Variants in GUCY2F observed in about 807,000 individuals in gnomAD.
The protein encoded by GUCY2F is retinal guanylyl cyclase 2.
A neutral mutation model predicts 73.1 loss-of-function variants in GUCY2F; 61 were observed. The ratio of observed to expected loss-of-function variants is 0.83; its 90% CI spans 0.68 to 1.03. The LOEUF (loss-of-function observed/expected upper bound fraction) is 1.03. GUCY2F is among the 50% of genes least tolerant of loss of function. GUCY2F has a pLI of 0.00. For missense variants in GUCY2F, 912 were observed against 854.3 expected (o/e 1.07, Z -0.84); for synonymous variants, 331 against 307.8 (o/e 1.08, Z -0.79).
chrX:109,385,264 A>C lies in GUCY2F; in HGVS notation c.2975T>G (p.Val992Gly), dbSNP rs763993439. The change falls in exon 16 of 20, where the codon GTG becomes GGG. Residue 992 changes from valine to glycine, a missense_variant. Val to Gly is a moderately radical substitution (Grantham distance 109, BLOSUM62 -3). Transcript: ENST00000218006. ...GTATCTGGGCATGGTGAGGCCCACC[A>C]CTCCAGCAACAACCGGCCCTATAGA... Reference protein sequence around the residue: ...GLHSGPVVAGVVGLTMPRYCL... With the variant: ...GLHSGPVVAGGVGLTMPRYCL... 1 of 1,170,727 alleles carries C rather than the reference A, an allele frequency of 8.5e-7. No homozygotes were observed. The highest frequency in any genetic ancestry group is 1.2e-6 in the Non-Finnish European group (1 of 859,886).
chrX:109,480,044 C>T (rs1053462737), intron 1 of GUCY2F, among the ~76,000 whole-genome samples: 11 of 111,080 alleles, frequency 9.9e-5, no homozygotes, highest in East Asian at 8.5e-4. Context: ...ATAGTAGGTG[C>T]GCAAAAAATA....
At chrX:109,481,589 T>C (rs1932765397) in intron 1 of GUCY2F, among the ~76,000 whole-genome samples, 1 of 111,585 alleles carries the variant, frequency 9.0e-6, no homozygotes, top group Non-Finnish European at 1.9e-5. Context: ...TAACAGCTTG[T>C]ATAAGACAAC....
At chrX:109,386,601 T>G (rs1345216816) in intron 15 of GUCY2F, among the ~76,000 whole-genome samples, 1 of 111,770 alleles carries the variant, frequency 8.9e-6, no homozygotes, top group African/African-American at 3.3e-5. Flanking sequence ...CAGATCAGTG[T>G]ATAAAATGCA....
At position 109,475,322 on chromosome X, in the gene GUCY2F, G is replaced by T. The variant is rs201431183; in HGVS notation, c.615C>A (p.Val205=). ...AGCCGTGGCTCCGAAGAGCACTTGC[G>T]ACTCGATTGGCTGTATGCACCCAAA... ...EDIWVHTANR[V]ASALRSHGLP... The change falls in exon 2 of 20, where the codon GTC becomes GTA. Residue 205 remains valine, a synonymous_variant. Coordinates refer to ENST00000218006, the MANE Select transcript of GUCY2F (RefSeq NM_001522.3). The T allele has an allele frequency of 5.0e-6, 6 of 1,210,892 alleles. No individual in the cohort carries two copies. Among genetic ancestry groups the T allele is most frequent in the Non-Finnish European group, 6.7e-6 (6 of 894,931 alleles).
At chrX:109,400,959 T>A (rs1309007245) in intron 10 of GUCY2F, among the ~76,000 whole-genome samples, 1 of 111,942 alleles carries the variant, frequency 8.9e-6, no homozygotes, top group East Asian at 2.8e-4. Flanking sequence ...TTGGCATCCT[T>A]TCTCCCTGCA....
chrX:109,403,533 A>G (rs142756740), intron 10 of GUCY2F, among the ~76,000 whole-genome samples: 1 of 111,995 alleles, frequency 8.9e-6, no homozygotes, highest in Non-Finnish European at 1.9e-5. Context: ...TAGCTGATGA[A>G]AGAAACTGTC....
At chrX:109,401,872 T>C (rs1172264189) in intron 10 of GUCY2F, among the ~76,000 whole-genome samples, 3 of 110,132 alleles carry the variant, frequency 2.7e-5, no homozygotes, top group Non-Finnish European at 5.7e-5. Flanking sequence ...AAGACACAGC[T>C]TGTGTGGAGA....
chrX:109,393,419 G>A (rs779941331), intron 12 of GUCY2F, among the ~76,000 whole-genome samples: 4 of 110,996 alleles, frequency 3.6e-5, no homozygotes, highest in Non-Finnish European at 5.7e-5. Flanking sequence ...AATTTTGTGT[G>A]AGGTAAGGGG....
At chrX:109,425,898 A>T (rs1006289832) in intron 8 of GUCY2F, among the ~76,000 whole-genome samples, 25 of 111,623 alleles carry the variant, frequency 2.2e-4, no homozygotes, top group African/African-American at 7.8e-4. Flanking sequence ...GGATACTAAT[A>T]GTAAAAATCG....
At chrX:109,423,417 A>G (rs1931411904) in intron 8 of GUCY2F, among the ~76,000 whole-genome samples, 1 of 111,367 alleles carries the variant, frequency 9.0e-6, no homozygotes, top group African/African-American at 3.3e-5. Context: ...ACCTAAAAAT[A>G]CAGAATTGAA....
At chrX:109,451,804 A>C (rs1932140106) in intron 5 of GUCY2F, among the ~76,000 whole-genome samples, 1 of 111,415 alleles carries the variant, frequency 9.0e-6, no homozygotes, top group African/African-American at 3.3e-5. Context: ...ATTCACAGGC[A>C]ACAACACTGA....
intron 8 of GUCY2F, among the ~76,000 whole-genome samples, chrX:109,426,060 A>G (rs1216388545): frequency 1.2e-4 from 13 of 112,060 alleles, no homozygotes; most frequent in Admixed American, 1.1e-3. Flanking sequence ...TAGTGGAAAC[A>G]ATATACTTTG....
intron 8 of GUCY2F, 48 bp from the exon 9 acceptor site, chrX:109,409,216 T>C (rs1203942330): frequency 1.5e-6 from 1 of 671,465 alleles, no homozygotes; most frequent in Non-Finnish European, 2.4e-6. Context: ...CTGTCTCAAC[T>C]GGGGACCACA....
At chrX:109,474,221 T>C in intron 2 of GUCY2F, among the ~76,000 whole-genome samples, 1 of 112,222 alleles carries the variant, frequency 8.9e-6, no homozygotes, top group Non-Finnish European at 1.9e-5. Flanking sequence ...GGACCAGGAC[T>C]AATCCTTGAA....
At chrX:109,455,041 C>T (rs1932230182) in intron 3 of GUCY2F, among the ~76,000 whole-genome samples, 1 of 111,499 alleles carries the variant, frequency 9.0e-6, no homozygotes, top group Non-Finnish European at 1.9e-5. Context: ...CAAGACACTG[C>T]CATGTCTTGT....
At chrX:109,434,173 G>A (rs1201787876) in intron 7 of GUCY2F, among the ~76,000 whole-genome samples, 4 of 110,037 alleles carry the variant, frequency 3.6e-5, no homozygotes, top group African/African-American at 1.3e-4. Context: ...AATGAAGAGG[G>A]AAGATGAATT....
At chrX:109,471,029 T>C (rs924552344) in intron 2 of GUCY2F, among the ~76,000 whole-genome samples, 1 of 112,226 alleles carries the variant, frequency 8.9e-6, no homozygotes, top group Non-Finnish European at 1.9e-5. Context: ...AAATATTAAC[T>C]ATTACCATTA....
chrX:109,408,243 G>A (rs956110784), intron 9 of GUCY2F, among the ~76,000 whole-genome samples: 2 of 112,060 alleles, frequency 1.8e-5, no homozygotes, highest in East Asian at 2.8e-4. Context: ...ACTGGATTTC[G>A]GACTTGCATG....
intron 2 of GUCY2F, among the ~76,000 whole-genome samples, chrX:109,469,179 T>A (rs1176636112): frequency 9.0e-6 from 1 of 111,394 alleles, no homozygotes; most frequent in Non-Finnish European, 1.9e-5. Flanking sequence ...AGCTGTCTAG[T>A]GTCTATGTCT....
Sources: gnomAD v4.1 joint callset for allele counts (sites outside exome capture counted in the v4.1 genomes callset) on GRCh38, gnomAD v4.1.1 for gene constraint, MANE v1.5 for transcripts, NCBI Gene and HGNC (gene_info 2026-07-23, HGNC 2026-07-21) for gene names.